DCST1: variants seen among roughly 807,000 people sequenced by gnomAD.
DCST1 encodes the protein DC-STAMP domain containing 1, also known as E3 ubiquitin-protein ligase DCST1.
A neutral mutation model predicts 89.1 loss-of-function variants in DCST1; 78 were observed. The ratio of observed to expected loss-of-function variants is 0.88; its 90% confidence interval spans 0.73 to 1.06. DCST1 has a LOEUF of 1.06. DCST1 is among the 50% of genes least tolerant of loss of function. The probability of loss-of-function intolerance (pLI) is 0.00; values close to 1 mark genes in which losing one functional copy is unlikely to be tolerated. For synonymous variants in DCST1, 364 were observed against 371.9 expected, an observed-to-expected ratio of 0.98 and a Z score of 0.24; for missense variants, 900 against 928.6, an observed-to-expected ratio of 0.97 and a Z score of 0.40.
chr1:155,033,822 T>C, upstream of DCST1: 2 of 1,452,910 alleles, frequency 1.4e-6, no homozygotes, highest in Non-Finnish European at 1.9e-6. Flanking sequence ...CTTGGAATCC[T>C]TGACCCAGTT....
chr1:155,034,830 A>C, intron 4 of DCST1, 103 bp downstream of exon 4: 1 of 1,244,610 alleles, frequency 8.0e-7, no homozygotes, highest in Non-Finnish European at 1.2e-6. Context: ...CTGTACCCAT[A>C]CATCCCCTGT....
intron 10 of DCST1, 62 bp downstream of exon 10, chr1:155,043,571 G>T: frequency 6.7e-7 from 1 of 1,502,148 alleles, no homozygotes. Flanking sequence ...CCTGCCCTGA[G>T]GGAGGCTGTA....
intron 10 of DCST1, 182 bp from the exon 11 acceptor site, chr1:155,045,711 G>A (rs1420510461): frequency 4.9e-6 from 3 of 611,208 alleles, no homozygotes; most frequent in Non-Finnish European, 8.8e-6. Context: ...CTACACAATT[G>A]GAAGGCAGGG....
intron 16 of DCST1, among the ~76,000 whole-genome samples, chr1:155,049,897 T>C (rs1223344350): frequency 6.6e-6 from 1 of 152,228 alleles, no homozygotes; most frequent in Non-Finnish European, 1.5e-5. Context: ...AAGCAGAATG[T>C]GCAAAGACTC....
intron 4 of DCST1, among the ~76,000 whole-genome samples, chr1:155,038,084 T>C (rs1660326515): frequency 6.6e-6 from 1 of 152,220 alleles, no homozygotes; most frequent in Non-Finnish European, 1.5e-5. Context: ...CCGACAGGGT[T>C]TGCCACAAAC....
chr1:155,034,821 T>C lies in DCST1; in HGVS notation c.262+94T>C, dbSNP rs577260657. ...GGAAGGAGTCGGGACTTGTTTCTTC[T>C]GTACCCATACATCCCCTGTGGCTTC... On this transcript the variant is annotated intron_variant, in intron 4 of 16. Transcript: ENST00000295542. 5.1e-6 allele frequency: 7 copies of C among 1,366,332 alleles called. No homozygotes were observed. In the African/African-American group the frequency reaches 7.2e-5, roughly 14 times the overall value. The allele number at this position is 1,366,332 out of a possible 1,614,324, so 84.6% of individuals were successfully genotyped here.
intron 4 of DCST1, among the ~76,000 whole-genome samples, chr1:155,036,851 C>G (rs1660292107): frequency 6.6e-6 from 1 of 152,244 alleles, no homozygotes; most frequent in African/African-American, 2.4e-5. Flanking sequence ...CCACCCACAG[C>G]CTCTTGCTTT....
intron 10 of DCST1, 63 bp from the exon 11 acceptor site, chr1:155,045,830 T>G: frequency 2.8e-6 from 4 of 1,423,724 alleles, no homozygotes; most frequent in Non-Finnish European, 4.0e-6. Context: ...AGGAAGCCCA[T>G]GTTTGGGGAT....
intron 16 of DCST1, among the ~76,000 whole-genome samples, chr1:155,050,294 G>C (rs1048541862): frequency 6.6e-6 from 1 of 152,358 alleles, no homozygotes; most frequent in East Asian, 1.9e-4. Flanking sequence ...GTAAAGTGGG[G>C]ATAGCAACAG....
chr1:155,043,053 G>A (rs1253782960), intron 9 of DCST1, among the ~76,000 whole-genome samples, 197 bp downstream of exon 9: 2 of 152,046 alleles, frequency 1.3e-5, no homozygotes, highest in Non-Finnish European at 2.9e-5. Context: ...GAACACCTGA[G>A]ATGGGCAGGG....
Position 155,043,514 on chromosome 1 carries a change from GC to G in DCST1, c.1172+7del. 1 of 1,572,936 alleles carries G rather than the reference GC, an allele frequency of 6.4e-7. No individual in the cohort carries two copies. Among genetic ancestry groups the G allele is most frequent in the Non-Finnish European group, 8.6e-7 (1 of 1,158,008 alleles). ...TTTCCTGCTGGTCCTGCATGCGTGAGCCATAGTCCCCACCCCAGCAGCCCCT... is the reference window on the plus strand; with the variant it reads ...TTTCCTGCTGGTCCTGCATGCGTGAGCATAGTCCCCACCCCAGCAGCCCCT... On this transcript the variant is annotated splice_donor_region_variant and intron_variant, in intron 10 of 16. Transcript: ENST00000295542.
intron 4 of DCST1, among the ~76,000 whole-genome samples, chr1:155,036,343 A>G (rs1391540928): frequency 1.3e-5 from 2 of 152,146 alleles, no homozygotes; most frequent in African/African-American, 4.8e-5. Context: ...ACAGCCCCTT[A>G]GATTTCTGGT....
Position 155,050,455 on chromosome 1 carries a change from G to A in DCST1, c.1870-162G>A, listed in dbSNP as rs187726973. The stretch of plus-strand genomic sequence containing the variant: ...TCCCATTCTCCATCACAGAGTTGGG[G>A]AGGGAGGCACCCTCGCCCTCCAGGG... On this transcript the variant is annotated intron_variant, in intron 16 of 16. Transcript: ENST00000295542. 1.2e-4 allele frequency: 105 copies of A among 909,374 alleles called. No individual in the cohort carries two copies. In the African/African-American group the frequency reaches 1.5e-3, roughly 13 times the overall value. 56.3% of individuals were successfully genotyped at this position (909,374 alleles called of 1,614,324 possible).
At chr1:155,037,818 G>A (rs1660319978) in intron 4 of DCST1, among the ~76,000 whole-genome samples, 1 of 152,220 alleles carries the variant, frequency 6.6e-6, no homozygotes, top group Admixed American at 6.5e-5. Context: ...GCCCAAAGAA[G>A]ACACCCATAG....
rs942047755 is a variant in DCST1, at chr1:155,046,107, T to C, written c.1273-18T>C. The stretch of plus-strand genomic sequence containing the variant: ...AGGGCCCTTGGGCTTCCTAACTGTG[T>C]GGACATTTGTTTTCCAGGGCAAACG... On this transcript the variant is annotated intron_variant, in intron 11 of 16. Coordinates refer to ENST00000295542, the MANE Select transcript of DCST1 (RefSeq NM_152494.4). 1.2e-6 allele frequency: 2 copies of C among 1,613,980 alleles called. No homozygotes were observed. Among genetic ancestry groups the C allele is most frequent in the Non-Finnish European group, 1.7e-6 (2 of 1,180,020 alleles).
At chr1:155,039,990 C>CA (rs55764638) in intron 5 of DCST1, among the ~76,000 whole-genome samples, 395 of 13,408 alleles carry the variant, frequency 0.029, 114 homozygotes, top group African/African-American at 0.073. Flanking sequence ...GACTCCGTCT[C>CA]AAAAAAAAAA....
At chr1:155,040,448 A>G in intron 5 of DCST1, 37 bp from the exon 6 acceptor site, 1 of 1,579,032 alleles carries the variant, frequency 6.3e-7, no homozygotes, top group Non-Finnish European at 8.6e-7. Flanking sequence ...AGTGCTGGTT[A>G]TACAGGGAGG....
rs564548975 is a variant in DCST1, at chr1:155,048,527, T to C, written c.1869+357T>C. On this transcript the variant is annotated intron_variant, in intron 16 of 16. Transcript: ENST00000295542. ...GTTGGCCAGGCTGGTCTCAAACTCC[T>C]GACCTCAGGTGATCTGCCCACCTCA... Among the ~76,000 whole-genome samples the C allele has an allele frequency of 1.4e-3, 216 of 152,320 alleles. 1 individual carries two copies. The highest frequency in any genetic ancestry group is 5.1e-3 in the African/African-American group (213 of 41,574).
intron 10 of DCST1, among the ~76,000 whole-genome samples, chr1:155,044,047 G>A (rs1660524407): frequency 6.6e-6 from 1 of 152,184 alleles, no homozygotes; most frequent in Non-Finnish European, 1.5e-5. Flanking sequence ...GATGGGCAGG[G>A]CTTGGGTGAG....
Sources: allele counts gnomAD v4.1 joint callset (sites outside exome capture counted in the v4.1 genomes callset), GRCh38; gene constraint gnomAD v4.1.1; transcripts MANE v1.5; gene names NCBI Gene and HGNC (gene_info 2026-07-23, HGNC 2026-07-21).